NALF1: variants seen among roughly 807,000 people sequenced by gnomAD.
NALF1 encodes NALCN channel auxiliary factor 1, also known as family with sequence similarity 155 member A.
Under a neutral mutation model 48.4 loss-of-function variants are expected in NALF1, and 3 were observed. The ratio of observed to expected loss-of-function variants is 0.06; its 90% CI spans 0.03 to 0.16. The LOEUF (loss-of-function observed/expected upper bound fraction) is 0.16. Among genes scored for constraint, NALF1 ranks in the 10% least tolerant of loss-of-function variants. NALF1 has a pLI of 1.00. For synonymous variants in NALF1, 262 were observed against 245.7 expected, an observed-to-expected ratio of 1.07 and a Z score of -0.62; for missense variants, 526 against 571.5, an observed-to-expected ratio of 0.92 and a Z score of 0.81.
chr13:107,784,422 T>C, intron 1 of NALF1, among the ~76,000 whole-genome samples: 1 of 152,212 alleles, frequency 6.6e-6, no homozygotes, highest in Non-Finnish European at 1.5e-5. Flanking sequence ...TCACTCATTT[T>C]CTTCTTTATA....
intron 1 of NALF1, among the ~76,000 whole-genome samples, chr13:107,604,485 C>A (rs929944240): frequency 6.6e-6 from 1 of 152,062 alleles, no homozygotes; most frequent in Non-Finnish European, 1.5e-5. Context: ...TCTTGGGAAA[C>A]GTATCTGAAC....
intron 2 of NALF1, among the ~76,000 whole-genome samples, chr13:107,175,599 C>T (rs1233435493): frequency 6.6e-6 from 1 of 152,190 alleles, no homozygotes. Flanking sequence ...TCATTCTTCT[C>T]TGACTTGAAT....
intron 1 of NALF1, among the ~76,000 whole-genome samples, chr13:107,516,609 C>T (rs1343967755): frequency 6.6e-6 from 1 of 151,264 alleles, no homozygotes; most frequent in African/African-American, 2.4e-5. Flanking sequence ...TTAGCAATTG[C>T]ATTTAGAAAA....
Position 107,215,625 on chromosome 13 carries a change from C to T in NALF1, c.916-4870G>A, listed in dbSNP as rs541945579. Among the ~76,000 whole-genome samples the T allele has an allele frequency of 4.6e-5, 7 of 152,014 alleles. No individual in the cohort carries two copies. The East Asian group carries it at 5.8e-4, about 13-fold the overall frequency. ...AAGCCACGAACTCTAGAAAGAAATG[C>T]GTTACATGCAAATCTGGACAATCCT... On this transcript the variant is annotated intron_variant, in intron 1 of 2. Coordinates refer to ENST00000375915, the MANE Select transcript of NALF1 (RefSeq NM_001080396.3).
intron 1 of NALF1, among the ~76,000 whole-genome samples, chr13:107,615,062 C>T (rs922991844): frequency 3.3e-5 from 5 of 152,186 alleles, no homozygotes; most frequent in African/African-American, 1.2e-4. Context: ...CAGGTATGAG[C>T]CACTGTGCCT....
chr13:107,632,583 G>A (rs973931902), intron 1 of NALF1, among the ~76,000 whole-genome samples: 20 of 151,920 alleles, frequency 1.3e-4, no homozygotes, highest in African/African-American at 3.4e-4. Context: ...AATGGCCTCC[G>A]TATCCTGTCT....
chr13:107,312,118 C>A (rs552801495), intron 1 of NALF1, among the ~76,000 whole-genome samples: 1 of 152,134 alleles, frequency 6.6e-6, no homozygotes, highest in Non-Finnish European at 1.5e-5. Flanking sequence ...AAGACACATG[C>A]ACACGTATGT....
At chr13:107,865,538 A>G in intron 1 of NALF1, 144 bp downstream of exon 1, 1 of 1,131,340 alleles carries the variant, frequency 8.8e-7, no homozygotes, top group African/African-American at 1.6e-5. Context: ...CATCTCAAAC[A>G]GCAAGCCAAG....
intron 1 of NALF1, among the ~76,000 whole-genome samples, chr13:107,382,355 C>G (rs1243166076): frequency 2.0e-5 from 3 of 152,150 alleles, no homozygotes; most frequent in Admixed American, 6.5e-5. Context: ...GCTAAATATT[C>G]TCATTAATAT....
chr13:107,726,998 G>C (rs1315080180), intron 1 of NALF1, among the ~76,000 whole-genome samples: 1 of 150,940 alleles, frequency 6.6e-6, no homozygotes, highest in Non-Finnish European at 1.5e-5. Context: ...TTTTAGGAGA[G>C]ACGGGGTTTC....
At chr13:107,816,460 C>G (rs1468992056) in intron 1 of NALF1, among the ~76,000 whole-genome samples, 1 of 151,962 alleles carries the variant, frequency 6.6e-6, no homozygotes, top group East Asian at 1.9e-4. Context: ...AGCAGAAACC[C>G]CTTATAAAAC....
intron 2 of NALF1, among the ~76,000 whole-genome samples, chr13:107,204,417 G>A (rs1448910378): frequency 1.3e-5 from 2 of 148,542 alleles, no homozygotes; most frequent in Non-Finnish European, 3.0e-5. Flanking sequence ...TGGAGGTGAG[G>A]CAATGAGACC....
chr13:107,393,299 G>A (rs963555694), intron 1 of NALF1, among the ~76,000 whole-genome samples: 1 of 152,018 alleles, frequency 6.6e-6, no homozygotes, highest in Non-Finnish European at 1.5e-5. Flanking sequence ...CTAAATGAGA[G>A]TATTTTTGTC....
At chr13:107,223,647 A>C (rs556505804) in intron 1 of NALF1, among the ~76,000 whole-genome samples, 1 of 152,320 alleles carries the variant, frequency 6.6e-6, no homozygotes, top group East Asian at 1.9e-4. Flanking sequence ...AACATTTTCA[A>C]GGACAGTTTC....
intron 1 of NALF1, among the ~76,000 whole-genome samples, chr13:107,657,303 A>G (rs1261342067): frequency 6.6e-6 from 1 of 152,174 alleles, no homozygotes; most frequent in East Asian, 1.9e-4. Flanking sequence ...CAGGTACTAC[A>G]AATATTTCTT....
intron 1 of NALF1, among the ~76,000 whole-genome samples, chr13:107,267,138 G>A (rs1881057187): frequency 6.6e-6 from 1 of 152,190 alleles, no homozygotes; most frequent in Non-Finnish European, 1.5e-5. Context: ...CCTCCACCAT[G>A]CTTTGTGCAT....
chr13:107,207,010 A>T (rs1879658081), intron 2 of NALF1, among the ~76,000 whole-genome samples: 1 of 152,194 alleles, frequency 6.6e-6, no homozygotes, highest in Admixed American at 6.5e-5. Context: ...TCTTAGTGAG[A>T]AATGATTGCA....
At chr13:107,803,514 T>A (rs564675186) in intron 1 of NALF1, among the ~76,000 whole-genome samples, 31 of 152,314 alleles carry the variant, frequency 2.0e-4, no homozygotes, top group Non-Finnish European at 1.5e-4. Flanking sequence ...AAATATTTGA[T>A]GAAAACTTTT....
chr13:107,545,233 G>C (rs1877106149), intron 1 of NALF1, among the ~76,000 whole-genome samples: 1 of 152,142 alleles, frequency 6.6e-6, no homozygotes, highest in South Asian at 2.1e-4. Flanking sequence ...AGAGACACAG[G>C]GGGAGTGCTG....
Sources: gnomAD v4.1 joint callset for allele counts (sites outside exome capture counted in the v4.1 genomes callset) on GRCh38, gnomAD v4.1.1 for gene constraint, MANE v1.5 for transcripts, NCBI Gene and HGNC (gene_info 2026-07-23, HGNC 2026-07-21) for gene names.